Variants in CCDC60 observed in about 807,000 individuals in gnomAD.
CCDC60 encodes coiled-coil domain-containing protein 60.
Under a neutral mutation model 63.5 loss-of-function variants are expected in CCDC60, and 54 were observed. The ratio of observed to expected loss-of-function variants is 0.85; its 90% CI spans 0.68 to 1.07. The LOEUF is 1.07. CCDC60 is among the 50% of genes least tolerant of loss of function. CCDC60 has a pLI of 0.00. For missense variants in CCDC60, 651 were observed against 684.3 expected (o/e 0.95, Z 0.54); for synonymous variants, 206 against 238.8 (o/e 0.86, Z 1.27).
At chr12:119,390,827 G>A (rs1034955324) in intron 1 of CCDC60, among the ~76,000 whole-genome samples, 1 of 152,202 alleles carries the variant, frequency 6.6e-6, no homozygotes, top group East Asian at 1.9e-4. Context: ...ACAGTGGCAG[G>A]TGCATTTATT....
intron 1 of CCDC60, among the ~76,000 whole-genome samples, chr12:119,336,376 C>T (rs1043736014): frequency 4.6e-5 from 7 of 152,106 alleles, no homozygotes; most frequent in Admixed American, 6.6e-5. Flanking sequence ...AGTGAAAACG[C>T]GAACCAGATC....
chr12:119,528,971 CG>C (rs1952765595), intron 12 of CCDC60, among the ~76,000 whole-genome samples: 1 of 152,086 alleles, frequency 6.6e-6, no homozygotes, highest in Admixed American at 6.6e-5. Flanking sequence ...CAACCCATTG[CG>C]TTCTCCATAT....
intron 2 of CCDC60, among the ~76,000 whole-genome samples, chr12:119,433,909 G>A (rs987389259): frequency 3.9e-5 from 6 of 152,294 alleles, no homozygotes; most frequent in Admixed American, 2.6e-4. Flanking sequence ...AATTTCTAGC[G>A]GAAGTTGACA....
chr12:119,441,664 G>C (rs1228313225), intron 2 of CCDC60, among the ~76,000 whole-genome samples: 1 of 152,068 alleles, frequency 6.6e-6, no homozygotes, highest in African/African-American at 2.4e-5. Flanking sequence ...TATTGTACCT[G>C]GTTTCTTTCA....
intron 1 of CCDC60, among the ~76,000 whole-genome samples, chr12:119,338,606 G>A (rs1236934203): frequency 6.6e-6 from 1 of 152,138 alleles, no homozygotes; most frequent in Admixed American, 6.5e-5. Context: ...TGTGATAAAT[G>A]GTTGTTCTGT....
intron 1 of CCDC60, among the ~76,000 whole-genome samples, chr12:119,409,918 C>T (rs1956562731): frequency 6.6e-6 from 1 of 151,884 alleles, no homozygotes; most frequent in Non-Finnish European, 1.5e-5. Context: ...TAATTCAACA[C>T]TCCTTACCTT....
rs750023387 is a variant in CCDC60, at chr12:119,445,514, AC to A, written c.170+16753del. Among the ~76,000 whole-genome samples the A allele has an allele frequency of 1.2e-3, 175 of 148,718 alleles. 1 individual carries two copies. The highest frequency in any genetic ancestry group is 0.011 in the Middle Eastern group (3 of 280). On this transcript the variant is annotated intron_variant, in intron 2 of 13. Coordinates refer to ENST00000327554, the MANE Select transcript of CCDC60 (RefSeq NM_178499.5). Reference sequence around the variant, plus strand: ...GCTAAAAAAAAAAAAAAAATGCAGGACAACCAAATCAAGCAGGCTGCAAAGT... The same window carrying A: ...GCTAAAAAAAAAAAAAAAATGCAGGAAACCAAATCAAGCAGGCTGCAAAGT...
chr12:119,347,506 C>T (rs952869537), intron 1 of CCDC60, among the ~76,000 whole-genome samples: 2 of 152,144 alleles, frequency 1.3e-5, no homozygotes, highest in African/African-American at 2.4e-5. Context: ...TGACACCATG[C>T]GTTGCTCATG....
At chr12:119,499,636 C>G (rs1304824945) in intron 5 of CCDC60, among the ~76,000 whole-genome samples, 4 of 152,144 alleles carry the variant, frequency 2.6e-5, no homozygotes, top group Non-Finnish European at 5.9e-5. Flanking sequence ...CCCCCATCAG[C>G]CCCACCCTCA....
chr12:119,386,330 G>A (rs1163785312), intron 1 of CCDC60, among the ~76,000 whole-genome samples: 1 of 152,158 alleles, frequency 6.6e-6, no homozygotes, highest in East Asian at 1.9e-4. Context: ...CCCTGGGTAG[G>A]TTGCAGGGGT....
rs185619886 is a variant in CCDC60 at position 119,492,932 on chromosome 12, A to G, written c.557+4066A>G. Among the ~76,000 whole-genome samples, 200 of 152,366 alleles carry G rather than the reference A, an allele frequency of 1.3e-3. 1 individual carries two copies. Among genetic ancestry groups the G allele is most frequent in the Non-Finnish European group, 2.5e-3 (173 of 68,036 alleles). On this transcript the variant is annotated intron_variant, in intron 5 of 13. Transcript: ENST00000327554. ...TACCATTGAGACTGAAGGCTAGGAA[A>G]GAAAGGAACTTCTGAGCAGAATTTT...
chr12:119,382,837 T>C (rs894880064), intron 1 of CCDC60, among the ~76,000 whole-genome samples: 1 of 152,202 alleles, frequency 6.6e-6, no homozygotes, highest in Admixed American at 6.5e-5. Context: ...AAGCTGTGAC[T>C]ATCTCACCAC....
intron 1 of CCDC60, among the ~76,000 whole-genome samples, chr12:119,423,725 C>T (rs939190016): frequency 1.6e-4 from 24 of 152,216 alleles, no homozygotes; most frequent in African/African-American, 5.8e-4. Flanking sequence ...TAGCTTGCCT[C>T]ATCATTCCTT....
At chr12:119,340,586 G>T (rs527987048) in intron 1 of CCDC60, among the ~76,000 whole-genome samples, 31 of 151,338 alleles carry the variant, frequency 2.0e-4, no homozygotes, top group African/African-American at 6.3e-4. Context: ...AGCCTTAGAA[G>T]CCCAATCCAG....
intron 2 of CCDC60, among the ~76,000 whole-genome samples, chr12:119,445,496 A>G (rs1169117376): frequency 1.3e-5 from 2 of 149,840 alleles, no homozygotes; most frequent in African/African-American, 4.9e-5. Context: ...TGAGCTAAAA[A>G]AAAAAAAAAA....
intron 1 of CCDC60, among the ~76,000 whole-genome samples, chr12:119,382,271 T>G (rs1956015064): frequency 6.6e-6 from 1 of 152,240 alleles, no homozygotes. Flanking sequence ...GGCAGAGATA[T>G]GTCTTCCAGG....
intron 2 of CCDC60, among the ~76,000 whole-genome samples, chr12:119,449,482 G>T (rs1950593762): frequency 6.6e-6 from 1 of 152,076 alleles, no homozygotes; most frequent in South Asian, 2.1e-4. Flanking sequence ...CCTATAACCT[G>T]CTCCATCCAA....
intron 1 of CCDC60, 146 bp downstream of exon 1, chr12:119,335,412 C>G (rs548008581): frequency 5.6e-4 from 303 of 542,058 alleles, no homozygotes; most frequent in Non-Finnish European, 8.9e-4. Context: ...TACAGTCCCA[C>G]CAACAGTGTA....
intron 1 of CCDC60, among the ~76,000 whole-genome samples, chr12:119,393,382 TTC>T (rs1956194676): frequency 6.6e-6 from 1 of 152,200 alleles, no homozygotes; most frequent in Non-Finnish European, 1.5e-5. Context: ...CAAAGCGTAT[TTC>T]TGATTTTATA....
Sources: gnomAD v4.1 joint callset for allele counts (sites outside exome capture counted in the v4.1 genomes callset) on GRCh38, gnomAD v4.1.1 for gene constraint, MANE v1.5 for transcripts, NCBI Gene and HGNC (gene_info 2026-07-23, HGNC 2026-07-21) for gene names.